Variants in XKR9 observed in about 807,000 individuals in gnomAD.
The protein encoded by XKR9 is XK related 9, also known as XK-related protein 9.
Under a neutral mutation model 32.0 loss-of-function variants are expected in XKR9, and 32 were observed. That is an observed-to-expected ratio of 1.00 (90% confidence interval 0.76 to 1.34). The LOEUF (loss-of-function observed/expected upper bound fraction) is 1.34, where lower values mean the gene tolerates loss of function less well. XKR9 is among the 40% of genes most tolerant of loss of function. The pLI, the probability that XKR9 is intolerant of heterozygous loss-of-function variation, is 0.00. For synonymous variants in XKR9, 168 were observed against 143.4 expected (o/e 1.17, Z -1.22); for missense variants, 546 against 429.7 (o/e 1.27, Z -2.39).
chr8:70,907,103 A>G, the XKR9 span, among the ~76,000 whole-genome samples: 2 of 152,118 alleles, frequency 1.3e-5, no homozygotes, highest in Non-Finnish European at 2.9e-5. Flanking sequence ...TTCCTGAATC[A>G]TGTATGCTTC....
chr8:71,049,253 G>A, the XKR9 span, among the ~76,000 whole-genome samples: 222 of 152,224 alleles, frequency 1.5e-3, no homozygotes, highest in African/African-American at 4.9e-3. Flanking sequence ...GATTTGATGA[G>A]AAATGCGAGG....
the XKR9 span, among the ~76,000 whole-genome samples, chr8:70,820,148 C>T: frequency 2.0e-5 from 3 of 152,252 alleles, no homozygotes; most frequent in Admixed American, 2.0e-4. Context: ...TAGAGGTATC[C>T]TTCCTATACC....
the XKR9 span, among the ~76,000 whole-genome samples, chr8:70,961,889 A>G: frequency 6.6e-6 from 1 of 152,198 alleles, no homozygotes; most frequent in African/African-American, 2.4e-5. Flanking sequence ...TTTAAAAAAA[A>G]TTTACGAAAG....
the XKR9 span, among the ~76,000 whole-genome samples, chr8:71,033,834 A>C: frequency 6.6e-6 from 1 of 152,186 alleles, no homozygotes; most frequent in South Asian, 2.1e-4. Flanking sequence ...CTTTCCAGCC[A>C]ACAGAATTGT....
intron 3 of XKR9, among the ~76,000 whole-genome samples, chr8:70,685,490 T>TATAATAATAATAATAATAATAATA (rs56223664): frequency 3.7e-4 from 53 of 141,716 alleles, no homozygotes; most frequent in African/African-American, 1.4e-3. Flanking sequence ...AAACTTAAAG[T>TATAATAATAATAATAATAATAATA]ATAATAATAA....
At chr8:70,984,543 A>G in the XKR9 span, among the ~76,000 whole-genome samples, 3 of 152,232 alleles carry the variant, frequency 2.0e-5, no homozygotes, top group African/African-American at 7.2e-5. Flanking sequence ...TCTGCTATCT[A>G]TGCTGCAACA....
chr8:70,683,402 C>A, intron 3 of XKR9: 1 of 345,278 alleles, frequency 2.9e-6, no homozygotes, highest in South Asian at 2.2e-5. Flanking sequence ...TTAAATTCTA[C>A]TGAATTTTGT....
downstream of XKR9, among the ~76,000 whole-genome samples, chr8:70,739,152 C>T (rs1182338015): frequency 2.0e-5 from 3 of 151,972 alleles, no homozygotes; most frequent in Non-Finnish European, 4.4e-5. Context: ...CTGGGTGCTC[C>T]TGTATTGGGT....
At chr8:70,967,756 A>G in the XKR9 span, among the ~76,000 whole-genome samples, 1 of 151,796 alleles carries the variant, frequency 6.6e-6, no homozygotes, top group Non-Finnish European at 1.5e-5. Context: ...AATGTTGAAT[A>G]TTGGCTCCCA....
At chr8:71,000,384 C>T in the XKR9 span, among the ~76,000 whole-genome samples, 3 of 152,128 alleles carry the variant, frequency 2.0e-5, no homozygotes, top group Admixed American at 2.0e-4. Context: ...CAAATAGGAG[C>T]CACACACTGA....
At chr8:70,795,399 T>C in the XKR9 span, among the ~76,000 whole-genome samples, 2 of 152,134 alleles carry the variant, frequency 1.3e-5, no homozygotes, top group Non-Finnish European at 2.9e-5. Flanking sequence ...GTTGATTCCA[T>C]GTCTTTGCTA....
the XKR9 span, among the ~76,000 whole-genome samples, chr8:70,930,943 G>A: frequency 6.6e-6 from 1 of 152,002 alleles, no homozygotes; most frequent in African/African-American, 2.4e-5. Context: ...AAGAAGTTAG[G>A]GGTTTAAACA....
the XKR9 span, among the ~76,000 whole-genome samples, chr8:70,924,555 G>T: frequency 2.0e-5 from 3 of 152,124 alleles, no homozygotes; most frequent in African/African-American, 7.2e-5. Context: ...TTCCCCAAAC[G>T]TGCCGAAGCC....
the XKR9 span, among the ~76,000 whole-genome samples, chr8:70,967,070 T>TTTTTTTTTC: frequency 7.2e-6 from 1 of 138,272 alleles, no homozygotes; most frequent in Non-Finnish European, 1.6e-5. Context: ...TGACTCTTTT[T>TTTTTTTTTC]TTTTTTTTTT....
chr8:70,770,408 G>T (rs2130230624), intron 2 of XKR9, among the ~76,000 whole-genome samples: 1 of 152,300 alleles, frequency 6.6e-6, no homozygotes, highest in Non-Finnish European at 1.5e-5. Context: ...TTTCAGTCAG[G>T]AGGCAGTCTG....
downstream of XKR9, among the ~76,000 whole-genome samples, chr8:70,740,523 C>T (rs1322495971): frequency 2.0e-5 from 3 of 152,172 alleles, no homozygotes; most frequent in African/African-American, 7.2e-5. Flanking sequence ...AACTGCGTTC[C>T]TTTGGAGGAG....
the XKR9 span, among the ~76,000 whole-genome samples, chr8:70,893,613 C>T: frequency 2.0e-4 from 30 of 152,254 alleles, no homozygotes; most frequent in Middle Eastern, 3.4e-3. Flanking sequence ...CAGCTGTGTT[C>T]GACATTTGCA....
At chr8:70,689,236 T>G (rs1206291244) in intron 3 of XKR9, among the ~76,000 whole-genome samples, 1 of 151,964 alleles carries the variant, frequency 6.6e-6, no homozygotes, top group Non-Finnish European at 1.5e-5. Context: ...CAAATAGGCC[T>G]TAAGTTGTAT....
intron 2 of XKR9, among the ~76,000 whole-genome samples, chr8:70,755,908 A>G (rs1267397896): frequency 6.8e-6 from 1 of 147,390 alleles, no homozygotes; most frequent in East Asian, 1.9e-4. Flanking sequence ...CTTAAAGTAT[A>G]ATAATAATAA....
Sources: gnomAD v4.1 joint callset for allele counts (sites outside exome capture counted in the v4.1 genomes callset) on GRCh38, gnomAD v4.1.1 for gene constraint, MANE v1.5 for transcripts, NCBI Gene and HGNC (gene_info 2026-07-23, HGNC 2026-07-21) for gene names.